Variants in LRPAP1 observed in about 807,000 individuals in gnomAD.
LRPAP1 encodes LDL receptor related protein associated protein 1, also known as alpha-2-macroglobulin receptor-associated protein.
In LRPAP1, 41 loss-of-function variants were observed where a neutral mutation model predicts 39.9. That is an observed-to-expected ratio of 1.03 (90% confidence interval 0.80 to 1.33). The LOEUF (loss-of-function observed/expected upper bound fraction) is 1.33, where lower values mean the gene tolerates loss of function less well. Among genes scored for constraint, LRPAP1 ranks in the 40% most tolerant of loss-of-function variants. The pLI, the probability that LRPAP1 is intolerant of heterozygous loss-of-function variation, is 0.00. For missense variants in LRPAP1, 565 were observed against 482.3 expected (o/e 1.17, Z -1.61); for synonymous variants, 263 against 212.7 (o/e 1.24, Z -2.06).
chr4:3,521,167 T>TTGCC (rs1459770472), intron 2 of LRPAP1, among the ~76,000 whole-genome samples: 1 of 152,152 alleles, frequency 6.6e-6, no homozygotes, highest in East Asian at 1.9e-4. Context: ...GGCGGTGGGC[T>TTGCC]TGCCTGCCCG....
At chr4:3,526,569 G>C (rs753479439) in intron 1 of LRPAP1, among the ~76,000 whole-genome samples, 4 of 152,232 alleles carry the variant, frequency 2.6e-5, no homozygotes, top group African/African-American at 9.6e-5. Flanking sequence ...AGCCCGCGCC[G>C]CCTTGTGGCC....
chr4:3,529,472 T>G (rs1052414399), intron 1 of LRPAP1, among the ~76,000 whole-genome samples: 1 of 152,164 alleles, frequency 6.6e-6, no homozygotes, highest in African/African-American at 2.4e-5. Flanking sequence ...AGCTTACTCC[T>G]CAGCATCAAC....
chr4:3,532,312 T>G lies in LRPAP1; in HGVS notation c.101A>C (p.Lys34Thr). Residue 34 changes from lysine (K) to threonine (T), a missense_variant, in exon 1 of 8, where the codon AAG (lysine) becomes ACG (threonine). Transcript: ENST00000650182. ...GGGCTGGTTCTTCTCCCGCGAGTACTTGCCGCCGTGGCTCGCAGCGGGCCA... is the reference window on the plus strand; with the variant it reads ...GGGCTGGTTCTTCTCCCGCGAGTACGTGCCGCCGTGGCTCGCAGCGGGCCA... ...GPWPAASHGG[K>T]YSREKNQPKP... 6.3e-7 allele frequency: 1 copy of G among 1,580,194 alleles called. No homozygotes were observed. The highest frequency in any genetic ancestry group is 8.6e-7 in the Non-Finnish European group (1 of 1,162,752).
In LRPAP1 at chr4:3,513,991, C is replaced by T. The variant is rs144007929; in HGVS notation, c.1011+761G>A. 3.3e-3 allele frequency among the ~76,000 whole-genome samples: 505 copies of T among 152,356 alleles called. 2 individuals carry two copies. Among genetic ancestry groups the T allele is most frequent in the African/African-American group, 0.012 (482 of 41,586 alleles). On this transcript the variant is annotated intron_variant, in intron 7 of 7. Transcript: ENST00000650182. ...TTTCTTAACCAACACCGAGCTTTGC[C>T]GTGGTCAGGTGAAGCTAGGTGCACG... is the stretch of plus-strand genomic sequence containing the variant.
chr4:3,505,719 C>T lies in LRPAP1; in HGVS notation c.*7255G>A, dbSNP rs531943159. On this transcript the variant is annotated 3_prime_UTR_variant, in exon 8 of 8. Transcript: ENST00000650182. ...ACCCCAAGACCGTCTATACCAGCTACGCCAAGACCGTCTATACCAGCTACC... is the reference window on the plus strand; with the variant it reads ...ACCCCAAGACCGTCTATACCAGCTATGCCAAGACCGTCTATACCAGCTACC... Among the ~76,000 whole-genome samples the T allele has an allele frequency of 1.3e-4, 20 of 152,314 alleles. No individual in the cohort carries two copies. The highest frequency in any genetic ancestry group is 7.8e-4 in the Admixed American group (12 of 15,310).
At chr4:3,527,301 C>T (rs1730106709) in intron 1 of LRPAP1, among the ~76,000 whole-genome samples, 1 of 152,178 alleles carries the variant, frequency 6.6e-6, no homozygotes, top group South Asian at 2.1e-4. Flanking sequence ...TGGACACTTG[C>T]CTGCGGCGTC....
intron 2 of LRPAP1, 119 bp downstream of exon 2, chr4:3,524,788 T>G: frequency 8.6e-7 from 1 of 1,160,870 alleles, no homozygotes; most frequent in South Asian, 1.4e-5. Flanking sequence ...GATATCCAGA[T>G]TAAGCATAAT....
In LRPAP1 at chr4:3,506,015, T is replaced by TAA. The variant is rs59614185; in HGVS notation, c.*6957_*6958dup. Among the ~76,000 whole-genome samples, 44 of 149,112 alleles carry TAA rather than the reference T, an allele frequency of 3.0e-4. No homozygotes were observed. The highest frequency in any genetic ancestry group is 2.3e-3 in the South Asian group (11 of 4,758). On this transcript the variant is annotated 3_prime_UTR_variant, in exon 8 of 8. Transcript: ENST00000650182. ...TACCTGGAAACCCAGCTTAGGGAAG[T>TAA]AAAAAAAAAATCACTGCATCTCATA...
rs996198628 is a variant in LRPAP1, at chr4:3,508,817, A to G, written c.*4157T>C. The G allele has an allele frequency of 6.6e-6, 1 of 152,108 alleles. No homozygotes were observed. Among genetic ancestry groups the G allele is most frequent in the African/African-American group, 2.4e-5 (1 of 41,396 alleles). 9.4% of individuals were successfully genotyped at this position (152,108 alleles called of 1,614,324 possible). On this transcript the variant is annotated 3_prime_UTR_variant, in exon 8 of 8. Transcript: ENST00000650182. ...GTAAGTGCACCAGTGCAAACCCAACACTGAGCCGGGAGAGACTGAGCCCAT... is the reference window on the plus strand; with the variant it reads ...GTAAGTGCACCAGTGCAAACCCAACGCTGAGCCGGGAGAGACTGAGCCCAT...
intron 1 of LRPAP1, among the ~76,000 whole-genome samples, chr4:3,528,265 T>G (rs564082987): frequency 6.6e-6 from 1 of 152,166 alleles, no homozygotes; most frequent in Non-Finnish European, 1.5e-5. Context: ...AGGGTATACA[T>G]GCAGGCAAGA....
At chr4:3,518,766 G>A in intron 4 of LRPAP1, 105 bp downstream of exon 4, 1 of 745,352 alleles carries the variant, frequency 1.3e-6, no homozygotes, top group Non-Finnish European at 2.1e-6. Flanking sequence ...TGTTCCTGAG[G>A]GGAGCTGAGG....
chr4:3,516,069 T>C (rs1181971746), intron 6 of LRPAP1, 47 bp downstream of exon 6: 2 of 1,523,748 alleles, frequency 1.3e-6, no homozygotes, highest in Admixed American at 3.9e-5. Context: ...TGCAAGAGAA[T>C]CTTCACCACA....
chr4:3,524,716 G>C (rs1428268734), intron 2 of LRPAP1, among the ~76,000 whole-genome samples, 191 bp downstream of exon 2: 1 of 152,238 alleles, frequency 6.6e-6, no homozygotes, highest in Non-Finnish European at 1.5e-5. Flanking sequence ...ATGAGGGTGA[G>C]CCCCCAACAC....
rs1729580936 is a variant in LRPAP1, at chr4:3,513,035, A to T, written c.1013T>A (p.Val338Glu). The change falls in exon 8 of 8, where the codon GTG becomes GAG. Residue 338 changes from valine to glutamate, a missense_variant and splice_region_variant. By Grantham distance (121) the Val-to-Glu change is moderately radical (BLOSUM62 -2). Transcript: ENST00000650182. ...EGRTKELGYT[V>E]KKHLQDLSGR... ...GGACAGGTCCTGCAGATGCTTCTTC[A>T]CCTGTGGACAGAAACGTCTCATCAG... 1 of 1,611,260 alleles carries T rather than the reference A, an allele frequency of 6.2e-7. No homozygotes were observed. Among genetic ancestry groups the T allele is most frequent in the Admixed American group, 1.7e-5 (1 of 59,732 alleles).
At chr4:3,515,782 CG>C (rs1327322192) in intron 6 of LRPAP1, 32 of 373,712 alleles carry the variant, frequency 8.6e-5, no homozygotes, top group Non-Finnish European at 1.4e-4. Context: ...TAAACGATCC[CG>C]GTAGTGTCCT....
rs1020920322 is a variant in LRPAP1 at position 3,503,814 on chromosome 4, A to C, written c.*9160T>G. 2 of 152,274 alleles carry C rather than the reference A, an allele frequency of 1.3e-5. No homozygotes were observed. The highest frequency in any genetic ancestry group is 2.4e-5 in the African/African-American group (1 of 41,466). 9.4% of individuals were successfully genotyped at this position (152,274 alleles called of 1,614,324 possible). On this transcript the variant is annotated 3_prime_UTR_variant, in exon 8 of 8. Coordinates refer to ENST00000650182, the MANE Select transcript of LRPAP1 (RefSeq NM_002337.4). The stretch of plus-strand genomic sequence containing the variant: ...CTAGATGAACCATCACACTGAAAAC[A>C]CATGCTGCAGTAAATACTGAATTTC...
chr4:3,519,063 A>G, intron 3 of LRPAP1, 72 bp from the exon 4 acceptor site: 4 of 1,568,092 alleles, frequency 2.6e-6, no homozygotes, highest in Non-Finnish European at 3.5e-6. Flanking sequence ...TCAGCCAACC[A>G]CTCCTCATGG....
intron 6 of LRPAP1, 41 bp downstream of exon 6, chr4:3,516,075 C>G (rs1158381500): frequency 8.5e-6 from 13 of 1,536,828 alleles, no homozygotes; most frequent in Non-Finnish European, 1.1e-5. Flanking sequence ...AGAATCTTCA[C>G]CACAGGAGAG....
intron 6 of LRPAP1, among the ~76,000 whole-genome samples, chr4:3,515,634 C>T (rs73793980): frequency 0.01 from 1,530 of 152,288 alleles, 26 homozygotes; most frequent in African/African-American, 0.035. Flanking sequence ...CTCCTCACAG[C>T]CCTGCTGGGT....
Sources: allele counts gnomAD v4.1 joint callset (sites outside exome capture counted in the v4.1 genomes callset), GRCh38; gene constraint gnomAD v4.1.1; transcripts MANE v1.5; gene names NCBI Gene and HGNC (gene_info 2026-07-23, HGNC 2026-07-21).